ARIH2: variants seen among roughly 807,000 people sequenced by gnomAD.
ARIH2 encodes ariadne RBR E3 ubiquitin protein ligase 2, also known as E3 ubiquitin-protein ligase ARIH2.
In ARIH2, 12 loss-of-function variants were observed where a neutral mutation model predicts 79.8. The observed-to-expected ratio is 0.15, with a 90% confidence interval of 0.10 to 0.24. The LOEUF (loss-of-function observed/expected upper bound fraction) is 0.24. Among genes scored for constraint, ARIH2 ranks in the 10% least tolerant of loss-of-function variants. The pLI is 1.00. For synonymous variants in ARIH2, 224 were observed against 213.9 expected (o/e 1.05, Z -0.41); for missense variants, 301 against 618.3 (o/e 0.49, Z 5.44).
At chr3:48,928,871 C>T (rs758577199) in intron 3 of ARIH2, among the ~76,000 whole-genome samples, 15 of 151,430 alleles carry the variant, frequency 9.9e-5, no homozygotes, top group Non-Finnish European at 1.2e-4. Context: ...TGATTGTAGA[C>T]TTCCTGTCTT....
At chr3:48,939,082 C>G (rs770079592) in intron 3 of ARIH2, among the ~76,000 whole-genome samples, 31 of 152,044 alleles carry the variant, frequency 2.0e-4, no homozygotes, top group Non-Finnish European at 4.0e-4. Flanking sequence ...ATTCTCCTGC[C>G]TCAGCCTCCT....
chr3:48,933,337 G>T (rs1022033306), intron 3 of ARIH2, among the ~76,000 whole-genome samples: 30 of 151,418 alleles, frequency 2.0e-4, no homozygotes, highest in Non-Finnish European at 4.0e-4. Flanking sequence ...GTGTGTGTGT[G>T]TTTTTGGTAG....
chr3:48,932,181 C>T (rs771473208), intron 3 of ARIH2, among the ~76,000 whole-genome samples: 4 of 152,068 alleles, frequency 2.6e-5, no homozygotes, highest in Admixed American at 6.6e-5. Context: ...AGATAGAGAA[C>T]AGAGAAAATG....
intron 3 of ARIH2, among the ~76,000 whole-genome samples, chr3:48,947,176 C>T (rs1370517792): frequency 2.6e-5 from 4 of 152,332 alleles, no homozygotes; most frequent in East Asian, 3.9e-4. Context: ...CACAGTGGCT[C>T]ACGCCTGTAA....
intron 3 of ARIH2, among the ~76,000 whole-genome samples, chr3:48,928,458 C>A (rs1559719099): frequency 6.6e-6 from 1 of 152,182 alleles, no homozygotes; most frequent in African/African-American, 2.4e-5. Flanking sequence ...ATCCTATTTA[C>A]ATTTTTTATG....
intron 4 of ARIH2, among the ~76,000 whole-genome samples, chr3:48,962,061 C>A (rs763068093): frequency 6.6e-5 from 10 of 152,054 alleles, no homozygotes; most frequent in Non-Finnish European, 1.3e-4. Context: ...TATCATAGTA[C>A]GAGTTGTATT....
intron 3 of ARIH2, among the ~76,000 whole-genome samples, chr3:48,942,916 G>A (rs916900678): frequency 6.6e-6 from 1 of 152,006 alleles, no homozygotes; most frequent in Non-Finnish European, 1.5e-5. Flanking sequence ...CTCCCAAAGT[G>A]CTGGAATTAC....
intron 11 of ARIH2, among the ~76,000 whole-genome samples, chr3:48,978,507 G>T (rs2092636124): frequency 1.4e-5 from 2 of 142,944 alleles, no homozygotes; most frequent in East Asian, 2.1e-4. Flanking sequence ...TGGTAGAGAC[G>T]GGTGTTTCAC....
intron 5 of ARIH2, among the ~76,000 whole-genome samples, chr3:48,965,604 C>G (rs975507637): frequency 1.3e-5 from 2 of 152,090 alleles, no homozygotes; most frequent in Non-Finnish European, 1.5e-5. Context: ...TTTGTGCCTT[C>G]CCTTCCTAGA....
intron 13 of ARIH2, 49 bp downstream of exon 13, chr3:48,980,545 T>A: frequency 6.3e-7 from 1 of 1,594,266 alleles, no homozygotes. Flanking sequence ...CCTGGCTCCG[T>A]CAGGCACAGA....
intron 3 of ARIH2, among the ~76,000 whole-genome samples, chr3:48,942,281 C>T (rs1014498423): frequency 9.9e-5 from 15 of 152,000 alleles, no homozygotes; most frequent in African/African-American, 3.4e-4. Context: ...GAATTCCTGA[C>T]CTCAGGAGAT....
rs778904017 is a variant in ARIH2 at position 48,961,708 on chromosome 3, A to AT, written c.323+31dup. The AT allele has an allele frequency of 2.8e-6, 4 of 1,446,322 alleles. No homozygotes were observed. In the East Asian group the frequency reaches 9.1e-5, roughly 33 times the overall value. The allele number at this position is 1,446,322 out of a possible 1,614,324, so 89.6% of individuals were successfully genotyped here. ...AGGTATTTGGGGGAGGAGAGAGAACATTGCCCATAGCTCCCCTCTCCGTGG... is the reference window on the plus strand; with the variant it reads ...AGGTATTTGGGGGAGGAGAGAGAACATTTGCCCATAGCTCCCCTCTCCGTGG... On this transcript the variant is annotated intron_variant, in intron 4 of 15. Transcript: ENST00000356401.
At chr3:48,942,371 T>C (rs773794131) in intron 3 of ARIH2, among the ~76,000 whole-genome samples, 1 of 152,172 alleles carries the variant, frequency 6.6e-6, no homozygotes, top group Non-Finnish European at 1.5e-5. Context: ...TGATTTTCTT[T>C]GTTCATTGGC....
At position 48,927,420 on chromosome 3, in the gene ARIH2, C is replaced by G. The variant is rs1056090525; in HGVS notation, c.-97-42C>G. ...TTGAATGGTTTCTGTTACAACTTGT[C>G]ATGGGGAAAAAGTAACACTTATTTT... On this transcript the variant is annotated intron_variant, in intron 2 of 15. Transcript: ENST00000356401. The G allele has an allele frequency of 2.8e-6, 3 of 1,072,636 alleles. No homozygotes were observed. The African/African-American group carries it at 4.8e-5, about 17-fold the overall frequency. The allele number at this position is 1,072,636 out of a possible 1,614,324, so 66.4% of individuals were successfully genotyped here.
At chr3:48,923,339 G>T (rs894112776) in intron 2 of ARIH2, among the ~76,000 whole-genome samples, 1 of 151,818 alleles carries the variant, frequency 6.6e-6, no homozygotes, top group Middle Eastern at 3.2e-3. Context: ...GGCAGAGGTT[G>T]CAGTGAGCTG....
At chr3:48,973,482 C>T (rs547235145) in intron 8 of ARIH2, 111 of 376,284 alleles carry the variant, frequency 2.9e-4, no homozygotes, top group African/African-American at 2.1e-3. Flanking sequence ...GAGGTTGAGT[C>T]AGGAGAATGG....
rs893049798 is a variant in ARIH2, at chr3:48,924,351, AATTATT to A, written c.-98+1559_-98+1564del. ...TTTTAAGTAGAAGATTATTTACCTG[AATTATT>A]ATTATTATTATTATTATTTTTGGAG... On this transcript the variant is annotated intron_variant, in intron 2 of 15. Coordinates refer to ENST00000356401, the MANE Select transcript of ARIH2 (RefSeq NM_006321.4). Among the ~76,000 whole-genome samples the A allele has an allele frequency of 2.6e-3, 398 of 150,420 alleles. 1 individual carries two copies. Among genetic ancestry groups the A allele is most frequent in the Admixed American group, 0.01 (156 of 15,050 alleles).
At chr3:48,923,215 AAAAG>A (rs1464552081) in intron 2 of ARIH2, among the ~76,000 whole-genome samples, 1 of 152,016 alleles carries the variant, frequency 6.6e-6, no homozygotes, top group Non-Finnish European at 1.5e-5. Context: ...TCAAAAAAAA[AAAAG>A]AAACCTTATC....
chr3:48,970,687 G>T lies in ARIH2; in HGVS notation c.753G>T (p.Arg251=). The part of the protein sequence containing the change: ...EPRARRVQCN[R]CNEVFCFKCR... ...GAGCTCGCCGAGTACAGTGCAATCG[G>T]TGCAACGAGGTCTTCTGGTAAGAGT... is the stretch of plus-strand genomic sequence containing the variant. The change falls in exon 8 of 16, where the codon CGG becomes CGT. Residue 251 remains arginine (R), a synonymous_variant. Coordinates refer to ENST00000356401, the MANE Select transcript of ARIH2 (RefSeq NM_006321.4). The T allele has an allele frequency of 6.2e-7, 1 of 1,613,772 alleles. No homozygotes were observed. The highest frequency in any genetic ancestry group is 1.1e-5 in the South Asian group (1 of 91,074).
Sources: allele counts gnomAD v4.1 joint callset (sites outside exome capture counted in the v4.1 genomes callset), GRCh38; gene constraint gnomAD v4.1.1; transcripts MANE v1.5; gene names NCBI Gene and HGNC (gene_info 2026-07-23, HGNC 2026-07-21).